Variants in ACSM1 observed in about 807,000 individuals in gnomAD.
The protein encoded by ACSM1 is acyl-CoA synthetase medium chain family member 1, also known as acyl-coenzyme A synthetase ACSM1, mitochondrial.
Under a neutral mutation model 75.8 loss-of-function variants are expected in ACSM1, and 79 were observed. The observed-to-expected ratio is 1.04, with a 90% CI of 0.87 to 1.26. ACSM1 has a LOEUF of 1.26. ACSM1 is among the 50% of genes most tolerant of loss of function. The probability of loss-of-function intolerance (pLI) is 0.00; values close to 1 mark genes in which losing one functional copy is unlikely to be tolerated. For missense variants in ACSM1, 676 were observed against 720.1 expected (o/e 0.94, Z 0.70); for synonymous variants, 279 against 265.8 (o/e 1.05, Z -0.48).
intron 4 of ACSM1, among the ~76,000 whole-genome samples, chr16:20,678,584 C>T (rs1000924610): frequency 6.6e-6 from 1 of 152,320 alleles, no homozygotes; most frequent in African/African-American, 2.4e-5. Context: ...AGAGAAGGAA[C>T]TAGAGGTGAC....
chr16:20,630,577 G>C (rs1187081828), intron 10 of ACSM1, among the ~76,000 whole-genome samples: 1 of 152,136 alleles, frequency 6.6e-6, no homozygotes, highest in African/African-American at 2.4e-5. Flanking sequence ...GCAATAGTTG[G>C]AGAATTTAAT....
intron 10 of ACSM1, among the ~76,000 whole-genome samples, chr16:20,630,171 G>A (rs1274758778): frequency 6.6e-6 from 1 of 150,558 alleles, no homozygotes; most frequent in African/African-American, 2.4e-5. Context: ...CCAGGCTGGA[G>A]TGCAATGGCA....
intron 10 of ACSM1, among the ~76,000 whole-genome samples, chr16:20,634,114 C>T (rs542683380): frequency 5.3e-5 from 8 of 152,234 alleles, no homozygotes; most frequent in African/African-American, 1.9e-4. Flanking sequence ...GTGCCAAAAC[C>T]ATTCCATGGA....
chr16:20,623,975 G>T, intron 13 of ACSM1, 121 bp downstream of exon 13: 6 of 1,430,734 alleles, frequency 4.2e-6, no homozygotes, highest in Admixed American at 1.9e-5. Context: ...AGCAGAAAAA[G>T]AGCCTTCAGT....
chr16:20,662,847 A>G (rs758843440), intron 6 of ACSM1, among the ~76,000 whole-genome samples: 3 of 151,972 alleles, frequency 2.0e-5, no homozygotes, highest in Non-Finnish European at 2.9e-5. Flanking sequence ...CCCTACCCCA[A>G]CAGGTGTCTT....
intron 1 of ACSM1, among the ~76,000 whole-genome samples, chr16:20,693,515 T>G (rs2079673898): frequency 6.6e-6 from 1 of 152,302 alleles, no homozygotes; most frequent in African/African-American, 2.4e-5. Flanking sequence ...ACATTTAAGT[T>G]CCCTCTTGCT....
intron 6 of ACSM1, among the ~76,000 whole-genome samples, chr16:20,668,367 C>T (rs1162955606): frequency 2.0e-5 from 3 of 152,046 alleles, no homozygotes; most frequent in Admixed American, 6.6e-5. Context: ...TCTATAGCAG[C>T]GGAAGAATTA....
intron 7 of ACSM1, among the ~76,000 whole-genome samples, chr16:20,644,538 AAC>A (rs56275246): frequency 0.074 from 10,671 of 144,712 alleles, 530 homozygotes; most frequent in African/African-American, 0.14. Flanking sequence ...GTGATTGAGG[AAC>A]ACACACACAC....
intron 13 of ACSM1, 107 bp from the exon 14 acceptor site, chr16:20,623,679 AC>A: frequency 8.7e-7 from 1 of 1,154,894 alleles, no homozygotes; most frequent in Non-Finnish European, 1.3e-6. Flanking sequence ...GCAGGCTGAC[AC>A]CATATGGTGG....
At chr16:20,669,693 T>G (rs2019782849) in intron 6 of ACSM1, 134 bp downstream of exon 6, 7 of 874,620 alleles carry the variant, frequency 8.0e-6, no homozygotes, top group Non-Finnish European at 1.2e-5. Context: ...TGCATCACAC[T>G]TTGAGAAGCC....
At chr16:20,672,472 AT>A (rs1292445748) in intron 4 of ACSM1, among the ~76,000 whole-genome samples, 4,122 of 57,018 alleles carry the variant, frequency 0.072, 119 homozygotes, top group East Asian at 0.14. Flanking sequence ...AAAAAAAAAA[AT>A]ATATATATAT....
chr16:20,637,414 T>A lies in ACSM1; in HGVS notation c.1154A>T (p.Lys385Met). 1 of 1,614,126 alleles carries A rather than the reference T, an allele frequency of 6.2e-7. No homozygotes were observed. Among genetic ancestry groups the A allele is most frequent in the Non-Finnish European group, 8.5e-7 (1 of 1,180,006 alleles). ...AGTGGCCTTCCCCATGAAACCCGGC[T>A]TGATCTTCATTCCCCAGTAGGTGGC... ...ICATYWGMKI[K>M]PGFMGKATPP... Residue 385 changes from lysine to methionine, a missense_variant, in exon 9 of 14, where the codon AAG becomes ATG. By Grantham distance (95) the Lys-to-Met change is moderately conservative. Transcript: ENST00000520010.
intron 8 of ACSM1, among the ~76,000 whole-genome samples, chr16:20,639,590 C>T (rs78189348): frequency 0.01 from 1,591 of 152,238 alleles, 36 homozygotes; most frequent in African/African-American, 0.036. Context: ...AGGTTTTGTC[C>T]AAGAGTTTTA....
chr16:20,636,167 T>A (rs897326535), intron 10 of ACSM1, among the ~76,000 whole-genome samples: 1 of 152,310 alleles, frequency 6.6e-6, no homozygotes, highest in Non-Finnish European at 1.5e-5. Context: ...ATGGCCAATA[T>A]TGGGAGCTAA....
At chr16:20,684,391 G>A (rs887044653) in intron 3 of ACSM1, among the ~76,000 whole-genome samples, 6 of 152,182 alleles carry the variant, frequency 3.9e-5, no homozygotes, top group East Asian at 1.9e-4. Context: ...AAGGTTTTCT[G>A]TGAAAACCAC....
chr16:20,657,066 T>C (rs1281904291), intron 7 of ACSM1, among the ~76,000 whole-genome samples: 3 of 152,162 alleles, frequency 2.0e-5, no homozygotes, highest in African/African-American at 7.2e-5. Flanking sequence ...CAAACCCTCC[T>C]GGGTATAATA....
intron 6 of ACSM1, among the ~76,000 whole-genome samples, chr16:20,668,305 A>G (rs2019687954): frequency 6.6e-6 from 1 of 152,234 alleles, no homozygotes; most frequent in Non-Finnish European, 1.5e-5. Flanking sequence ...AGAATTTTAA[A>G]CTTTAAGCAT....
chr16:20,663,756 AGATCTT>A, intron 6 of ACSM1, among the ~76,000 whole-genome samples: 1 of 152,334 alleles, frequency 6.6e-6, no homozygotes, highest in South Asian at 2.1e-4. Flanking sequence ...TTTCTGTTTT[AGATCTT>A]TATCAAGCTC....
chr16:20,689,226 A>G (rs1254928034), intron 2 of ACSM1, among the ~76,000 whole-genome samples: 2 of 152,002 alleles, frequency 1.3e-5, no homozygotes, highest in African/African-American at 2.4e-5. Context: ...AGTTGTTATC[A>G]GTATTAAATA....
Sources: allele counts gnomAD v4.1 joint callset (sites outside exome capture counted in the v4.1 genomes callset), GRCh38; gene constraint gnomAD v4.1.1; transcripts MANE v1.5; gene names NCBI Gene and HGNC (gene_info 2026-07-23, HGNC 2026-07-21).